Variants in GALNT18 observed in about 807,000 individuals in gnomAD.
GALNT18 encodes polypeptide N-acetylgalactosaminyltransferase 18.
A neutral mutation model predicts 69.5 loss-of-function variants in GALNT18; 44 were observed. That is an observed-to-expected ratio of 0.63 (90% confidence interval 0.50 to 0.81). GALNT18 has a LOEUF of 0.81. Among genes scored for constraint, GALNT18 ranks in the 40% least tolerant of loss-of-function variants. GALNT18 has a pLI of 0.00. For synonymous variants in GALNT18, 364 were observed against 318.2 expected (o/e 1.14, Z -1.53); for missense variants, 715 against 810.0 (o/e 0.88, Z 1.42).
At chr11:11,488,249 T>A (rs758906261) in intron 1 of GALNT18, among the ~76,000 whole-genome samples, 9 of 152,208 alleles carry the variant, frequency 5.9e-5, no homozygotes, top group Non-Finnish European at 1.3e-4. Context: ...AGGGCTGTAC[T>A]CCTCCTGCAG....
chr11:11,568,786 T>C (rs577884494), intron 1 of GALNT18, among the ~76,000 whole-genome samples: 1 of 152,318 alleles, frequency 6.6e-6, no homozygotes, highest in East Asian at 1.9e-4. Flanking sequence ...CTGTCTAAAC[T>C]GATCAGTGGT....
intron 1 of GALNT18, among the ~76,000 whole-genome samples, chr11:11,451,266 T>C (rs974788928): frequency 1.3e-5 from 2 of 152,074 alleles, no homozygotes; most frequent in African/African-American, 2.4e-5. Context: ...TCGTTTGGAA[T>C]GGGGGGTAGT....
At chr11:11,429,642 A>C (rs1855221149) in intron 3 of GALNT18, among the ~76,000 whole-genome samples, 1 of 152,172 alleles carries the variant, frequency 6.6e-6, no homozygotes, top group South Asian at 2.1e-4. Context: ...AGAGAGAGAG[A>C]GAAAGAGACG....
In GALNT18 at chr11:11,497,577, C is replaced by T. The variant is rs1314567649; in HGVS notation, c.236-48641G>A. The stretch of plus-strand genomic sequence containing the variant: ...CGTATGAATGAAATGAGATTATTAT[C>T]TATAAAGAATTTTGTGGAGGCATGG... On this transcript the variant is annotated intron_variant, in intron 1 of 10. Coordinates refer to ENST00000227756, the MANE Select transcript of GALNT18 (RefSeq NM_198516.3). This position sits in a 1 kb window ranked among gnomAD's most constrained non-coding sequence, Gnocchi z 4.2. 6.6e-6 allele frequency among the ~76,000 whole-genome samples: 1 copy of T among 152,044 alleles called. No homozygotes were observed. Among genetic ancestry groups the T allele is most frequent in the African/African-American group, 2.4e-5 (1 of 41,374 alleles).
In GALNT18 at chr11:11,396,232, G is replaced by A. The variant is rs895838859; in HGVS notation, c.596-16968C>T. Among the ~76,000 whole-genome samples the A allele has an allele frequency of 2.6e-5, 4 of 152,230 alleles. No individual in the cohort carries two copies. Among genetic ancestry groups the A allele is most frequent in the African/African-American group, 7.2e-5 (3 of 41,452 alleles). The stretch of plus-strand genomic sequence containing the variant: ...AAGAGCAAAGAACTGGCACGACAGC[G>A]GCTGGGTCTGTCAGTGGTGTTCGCA... On this transcript the variant is annotated intron_variant, in intron 3 of 10. Transcript: ENST00000227756. The surrounding 1 kb of genome is among the most constrained non-coding windows in gnomAD (Gnocchi z 5.2).
At chr11:11,547,702 T>C (rs1012697389) in intron 1 of GALNT18, among the ~76,000 whole-genome samples, 3 of 152,216 alleles carry the variant, frequency 2.0e-5, no homozygotes, top group African/African-American at 7.2e-5. Context: ...CCTGAATCCA[T>C]ACATTCCCTT....
chr11:11,368,589 T>C (rs1295882251), intron 6 of GALNT18, among the ~76,000 whole-genome samples: 1 of 152,196 alleles, frequency 6.6e-6, no homozygotes, highest in African/African-American at 2.4e-5. Context: ...ATTTTCCAGT[T>C]TCTTAATTTT....
rs1465309167 is a variant in GALNT18 at position 11,387,932 on chromosome 11, G to A, written c.596-8668C>T. Among the ~76,000 whole-genome samples, 1 of 152,204 alleles carries A rather than the reference G, an allele frequency of 6.6e-6. No individual in the cohort carries two copies. The highest frequency in any genetic ancestry group is 2.4e-5 in the African/African-American group (1 of 41,444). ...TTCAAACCCTGGGCAGTTTACAAAT[G>A]CCTTCCCCGAGGTTCATTCTTATGT... On this transcript the variant is annotated intron_variant, in intron 3 of 10. Coordinates refer to ENST00000227756, the MANE Select transcript of GALNT18 (RefSeq NM_198516.3). This position sits in a 1 kb window ranked among gnomAD's most constrained non-coding sequence, Gnocchi z 4.6.
At chr11:11,453,669 T>A (rs1244322014) in intron 1 of GALNT18, among the ~76,000 whole-genome samples, 2 of 152,140 alleles carry the variant, frequency 1.3e-5, no homozygotes, top group Non-Finnish European at 2.9e-5. Flanking sequence ...CCCATGCTGT[T>A]CTCACGATAG....
intron 9 of GALNT18, among the ~76,000 whole-genome samples, chr11:11,295,652 G>C (rs576834163): frequency 6.6e-6 from 1 of 152,126 alleles, no homozygotes; most frequent in South Asian, 2.1e-4. Context: ...GGTGGGTGGA[G>C]AGTGTGTCTG....
chr11:11,588,992 C>T (rs997888598), intron 1 of GALNT18, among the ~76,000 whole-genome samples: 1 of 152,210 alleles, frequency 6.6e-6, no homozygotes, highest in Non-Finnish European at 1.5e-5. Context: ...TGGCACAATA[C>T]ACTAAGCCCT....
intron 1 of GALNT18, among the ~76,000 whole-genome samples, chr11:11,466,376 A>G (rs1856156341): frequency 6.6e-6 from 1 of 152,248 alleles, no homozygotes; most frequent in African/African-American, 2.4e-5. Context: ...AATAGAAACA[A>G]TGGCCATTTT....
chr11:11,422,145 A>C (rs964401212), intron 3 of GALNT18, among the ~76,000 whole-genome samples: 13 of 152,186 alleles, frequency 8.5e-5, no homozygotes, highest in Non-Finnish European at 1.8e-4. Flanking sequence ...CAACAGGGAG[A>C]GATGGGCATT....
At chr11:11,447,345 G>GTC (rs537562626) in intron 2 of GALNT18, among the ~76,000 whole-genome samples, 3,121 of 152,016 alleles carry the variant, frequency 0.021, 100 homozygotes, top group African/African-American at 0.068. Flanking sequence ...TGTCCCAGGT[G>GTC]TCTCTCTCTC....
intron 1 of GALNT18, among the ~76,000 whole-genome samples, chr11:11,507,160 G>C (rs748926985): frequency 7.2e-5 from 11 of 152,312 alleles, no homozygotes; most frequent in Non-Finnish European, 1.6e-4. Context: ...TGAATAAGGA[G>C]TGAATTAATA....
intron 1 of GALNT18, among the ~76,000 whole-genome samples, chr11:11,588,464 G>C (rs1859276650): frequency 6.6e-6 from 1 of 152,216 alleles, no homozygotes; most frequent in African/African-American, 2.4e-5. Context: ...TTCCTGTGAA[G>C]CGAGTCAATT....
intron 6 of GALNT18, among the ~76,000 whole-genome samples, chr11:11,368,216 C>T (rs1850814714): frequency 6.6e-6 from 1 of 152,164 alleles, no homozygotes; most frequent in Non-Finnish European, 1.5e-5. Flanking sequence ...TCTATCTTTT[C>T]TCTTTGACTG....
intron 1 of GALNT18, among the ~76,000 whole-genome samples, chr11:11,530,108 T>G (rs2133940640): frequency 6.6e-6 from 1 of 152,108 alleles, no homozygotes; most frequent in South Asian, 2.1e-4. Context: ...CAACACAGGC[T>G]CATTCACATG....
In GALNT18 at chr11:11,340,864, A is replaced by G. The variant is rs764348941; in HGVS notation, c.1233T>C (p.Asp411=). The G allele has an allele frequency of 1.1e-5, 18 of 1,613,814 alleles. No individual in the cohort carries two copies. Among genetic ancestry groups the G allele is most frequent in the Non-Finnish European group, 1.5e-5 (18 of 1,179,884 alleles). The change falls in exon 7 of 11, where the codon GAT becomes GAC. Residue 411 remains aspartate (D), a synonymous_variant. Transcript: ENST00000227756. The surrounding 1 kb of genome is among the most constrained non-coding windows in gnomAD (Gnocchi z 4.2). ...NALRVAEVWM[D]EFKSHVYMAW... ...CCATGTAGACGTGGCTTTTAAATTCATCCATCCAGACTTCAGCCACCCTGA... is the reference window on the plus strand; with the variant it reads ...CCATGTAGACGTGGCTTTTAAATTCGTCCATCCAGACTTCAGCCACCCTGA...
Sources: allele counts gnomAD v4.1 joint callset (sites outside exome capture counted in the v4.1 genomes callset), GRCh38; gene constraint gnomAD v4.1.1; non-coding constraint Gnocchi (gnomAD v3.1); transcripts MANE v1.5; gene names NCBI Gene and HGNC (gene_info 2026-07-23, HGNC 2026-07-21).